Variants in GALNT9 observed in about 807,000 individuals in gnomAD.
The protein encoded by GALNT9 is polypeptide N-acetylgalactosaminyltransferase 9.
In GALNT9, 47 loss-of-function variants were observed where a neutral mutation model predicts 63.1. The observed-to-expected ratio is 0.75, with a 90% CI of 0.59 to 0.95. The LOEUF is 0.95. GALNT9 is among the 40% of genes least tolerant of loss of function. GALNT9 has a pLI of 0.00. For synonymous variants in GALNT9, 396 were observed against 365.7 expected, an observed-to-expected ratio of 1.08 and a Z score of -0.94; for missense variants, 829 against 874.8, an observed-to-expected ratio of 0.95 and a Z score of 0.66.
intron 6 of GALNT9, among the ~76,000 whole-genome samples, chr12:132,210,851 G>A (rs1876927932): frequency 2.0e-5 from 3 of 148,438 alleles, no homozygotes; most frequent in East Asian, 2.0e-4. Flanking sequence ...GGAGGTCGCC[G>A]TCTGGCGGTT....
chr12:132,272,401 C>T (rs1011702573), intron 2 of GALNT9, among the ~76,000 whole-genome samples: 1 of 152,250 alleles, frequency 6.6e-6, no homozygotes, highest in South Asian at 2.1e-4. Context: ...ACAGCGCCAC[C>T]ACCCTACTGC....
intron 2 of GALNT9, among the ~76,000 whole-genome samples, chr12:132,271,894 G>C (rs1039400063): frequency 5.9e-5 from 9 of 152,154 alleles, no homozygotes; most frequent in African/African-American, 2.2e-4. Flanking sequence ...TGCGGCAGCA[G>C]CCATGTGGGG....
intron 6 of GALNT9, 55 bp from the exon 7 acceptor site, chr12:132,203,745 C>T (rs994735506): frequency 4.8e-5 from 75 of 1,561,510 alleles, no homozygotes; most frequent in African/African-American, 5.7e-5. Context: ...GCGGGCAGCC[C>T]GGCCAGCTAG....
intron 1 of GALNT9, among the ~76,000 whole-genome samples, chr12:132,306,571 G>A (rs1881622888): frequency 6.6e-6 from 1 of 152,164 alleles, no homozygotes; most frequent in South Asian, 2.1e-4. Flanking sequence ...GCGTCTCCAG[G>A]CCTTTCTGGG....
chr12:132,286,521 G>A lies in GALNT9; in HGVS notation c.239-91C>T. 6.9e-7 allele frequency: 1 copy of A among 1,441,490 alleles called. No homozygotes were observed. The highest frequency in any genetic ancestry group is 9.1e-7 in the Non-Finnish European group (1 of 1,097,280). 89.3% of individuals were successfully genotyped at this position (1,441,490 alleles called of 1,614,324 possible). A position where few individuals can be genotyped will look rare whatever the true frequency, so the allele number is the denominator to read the frequency against. ...GCCCCTCCCGCCCCTCTCCCCGACG[G>A]CCGCTTCCCCCGGTACAAGCCCAGC... On this transcript the variant is annotated intron_variant, in intron 1 of 10. Transcript: ENST00000328957. The surrounding 1 kb of genome is among the most constrained non-coding windows in gnomAD (Gnocchi z 7.4).
chr12:132,216,025 CAG>C (rs1852390154), intron 6 of GALNT9, among the ~76,000 whole-genome samples: 1 of 152,210 alleles, frequency 6.6e-6, no homozygotes, highest in South Asian at 2.1e-4. Flanking sequence ...GGGGCACACA[CAG>C]GGGCTTGTCC....
At chr12:132,292,278 A>T (rs1880887703) in intron 1 of GALNT9, among the ~76,000 whole-genome samples, 1 of 152,164 alleles carries the variant, frequency 6.6e-6, no homozygotes, top group South Asian at 2.1e-4. Context: ...TCATGTGTTC[A>T]CAGCATGTAC....
In GALNT9 at chr12:132,300,868, C is replaced by T. The variant is rs1264093561; in HGVS notation, c.239-14438G>A. 4.6e-5 allele frequency among the ~76,000 whole-genome samples: 7 copies of T among 152,308 alleles called. No homozygotes were observed. In the East Asian group the frequency reaches 1.2e-3, roughly 25 times the overall value. ...CTCCTGAGATAACTCACTCCCATAA[C>T]TAACCCACTCCCACATTAAGGGCAT... On this transcript the variant is annotated intron_variant, in intron 1 of 10. Coordinates refer to ENST00000328957, the MANE Select transcript of GALNT9 (RefSeq NM_001122636.2).
rs1316809126 is a variant in GALNT9 at position 132,316,627 on chromosome 12, C to A, written c.238+12339G>T. Among the ~76,000 whole-genome samples the A allele has an allele frequency of 6.6e-6, 1 of 151,974 alleles. No homozygotes were observed. Among genetic ancestry groups the A allele is most frequent in the Non-Finnish European group, 1.5e-5 (1 of 67,974 alleles). ...CTCCTCCTGCCAGGGTGTGTCCCTG[C>A]TCTCTTTCCTCCGCTTCAGCAAATT... On this transcript the variant is annotated intron_variant, in intron 1 of 10. Coordinates refer to ENST00000328957, the MANE Select transcript of GALNT9 (RefSeq NM_001122636.2). This position sits in a 1 kb window ranked among gnomAD's most constrained non-coding sequence, Gnocchi z 4.3.
intron 2 of GALNT9, among the ~76,000 whole-genome samples, chr12:132,266,300 T>G (rs1555240189): frequency 6.6e-6 from 1 of 152,270 alleles, no homozygotes. Context: ...TGCTTCTCCC[T>G]CCGAGCAGCG....
chr12:132,317,641 T>G (rs1868582481), intron 1 of GALNT9, among the ~76,000 whole-genome samples: 1 of 152,242 alleles, frequency 6.6e-6, no homozygotes, highest in African/African-American at 2.4e-5. Flanking sequence ...TTTTGTGTTT[T>G]TAAAAATCTT....
chr12:132,229,313 C>T (rs1468281910), intron 6 of GALNT9, among the ~76,000 whole-genome samples: 7 of 152,352 alleles, frequency 4.6e-5, no homozygotes, highest in African/African-American at 1.2e-4. Context: ...CCCCACGAGG[C>T]GCACGCTTTG....
In GALNT9 at chr12:132,262,494, T is replaced by C. The variant is rs1234381114; in HGVS notation, c.551A>G (p.Lys184Arg). ...VVNHTPSQLL[K>R]EVILVDDNSD... ...GTTGTCGTCCACCAGGATGACCTCC[T>C]TGAGGAGCTGGGAGGGCGTGTGGTT... Residue 184 changes from lysine (K) to arginine (R), a missense_variant, in exon 3 of 11, where the codon AAG becomes AGG. Coordinates refer to ENST00000328957, the MANE Select transcript of GALNT9 (RefSeq NM_001122636.2). 11 of 1,551,118 alleles carry C rather than the reference T, an allele frequency of 7.1e-6. No individual in the cohort carries two copies. Among genetic ancestry groups the C allele is most frequent in the Non-Finnish European group, 9.6e-6 (11 of 1,146,854 alleles).
rs1023735179 is a variant in GALNT9 at position 132,293,948 on chromosome 12, G to A, written c.239-7518C>T. On this transcript the variant is annotated intron_variant, in intron 1 of 10. Coordinates refer to ENST00000328957, the MANE Select transcript of GALNT9 (RefSeq NM_001122636.2). The stretch of plus-strand genomic sequence containing the variant: ...TACAGTCGGAGCTGGAACGAGAAGT[G>A]GAGCCTGGCCCTGTTTGACCAAAGA... 2.6e-5 allele frequency among the ~76,000 whole-genome samples: 4 copies of A among 152,282 alleles called. No homozygotes were observed. The South Asian group carries it at 6.2e-4, about 24-fold the overall frequency.
chr12:132,203,413 G>T (rs1190252919), intron 7 of GALNT9, 92 bp downstream of exon 7: 4 of 1,185,670 alleles, frequency 3.4e-6, no homozygotes, highest in Non-Finnish European at 4.8e-6. Flanking sequence ...CCTGCAGGGG[G>T]CCCTAGGGGG....
Position 132,196,597 on chromosome 12 carries a change from C to G in GALNT9, c.*510G>C. On this transcript the variant is annotated 3_prime_UTR_variant, in exon 11 of 11. Coordinates refer to ENST00000328957, the MANE Select transcript of GALNT9 (RefSeq NM_001122636.2). Reference sequence around the variant, plus strand: ...CCTCAGGTTTGTCGCTGTCCATGTCCTCCAGCACCCCTCTTACCAGACCAC... The same window carrying G: ...CCTCAGGTTTGTCGCTGTCCATGTCGTCCAGCACCCCTCTTACCAGACCAC... The G allele has an allele frequency of 1.0e-6, 1 of 987,992 alleles. No homozygotes were observed. The allele number at this position is 987,992 out of a possible 1,614,324, so 61.2% of individuals were successfully genotyped here.
chr12:132,312,364 T>A (rs1881844073), intron 1 of GALNT9, among the ~76,000 whole-genome samples: 1 of 152,246 alleles, frequency 6.6e-6, no homozygotes. Context: ...TGCAGGGCTC[T>A]GGAACAACCC....
chr12:132,287,805 G>A (rs1282595498), intron 1 of GALNT9, among the ~76,000 whole-genome samples: 1 of 152,026 alleles, frequency 6.6e-6, no homozygotes, highest in Non-Finnish European at 1.5e-5. Context: ...GCAAGCAGAC[G>A]CGGCTTGGAG....
chr12:132,202,417 T>G (rs1461612968), intron 7 of GALNT9, among the ~76,000 whole-genome samples: 1 of 152,230 alleles, frequency 6.6e-6, no homozygotes. Flanking sequence ...GGGGGCTGGA[T>G]GCTGGATTTG....
Sources: allele counts gnomAD v4.1 joint callset (sites outside exome capture counted in the v4.1 genomes callset), GRCh38; gene constraint gnomAD v4.1.1; non-coding constraint Gnocchi (gnomAD v3.1); transcripts MANE v1.5; gene names NCBI Gene and HGNC (gene_info 2026-07-23, HGNC 2026-07-21).